Variants in EDARADD observed in about 807,000 individuals in gnomAD.
EDARADD encodes EDAR associated via death domain.
EDARADD carries 20 observed loss-of-function variants against 25.6 expected under a neutral mutation model. The ratio of observed to expected loss-of-function variants is 0.78; its 90% CI spans 0.55 to 1.14. EDARADD has a LOEUF of 1.14. Among genes scored for constraint, EDARADD ranks in the 50% most tolerant of loss-of-function variants. The pLI is 0.00. For synonymous variants in EDARADD, 86 were observed against 94.4 expected (o/e 0.91, Z 0.52); for missense variants, 225 against 270.1 (o/e 0.83, Z 1.17).
At chr1:236,414,189 C>A in intron 2 of EDARADD, 71 bp from the exon 3 acceptor site, 1 of 1,368,208 alleles carries the variant, frequency 7.3e-7, no homozygotes, top group Non-Finnish European at 1.0e-6. Context: ...TTTCCCAAGA[C>A]AAAGCTTTCT....
chr1:236,431,026 G>A (rs1658080245), intron 4 of EDARADD, among the ~76,000 whole-genome samples: 1 of 152,182 alleles, frequency 6.6e-6, no homozygotes, highest in African/African-American at 2.4e-5. Flanking sequence ...TGAGGCAGGA[G>A]AATTGCTTGA....
intron 1 of EDARADD, 126 bp from the exon 2 acceptor site, chr1:236,409,090 A>T: frequency 2.7e-5 from 12 of 446,896 alleles, no homozygotes; most frequent in Middle Eastern, 6.0e-4. Context: ...AAAAAAAAGG[A>T]GTAAGGTTTT....
intron 5 of EDARADD, among the ~76,000 whole-genome samples, chr1:236,471,976 A>G (rs957447671): frequency 6.6e-6 from 1 of 152,204 alleles, no homozygotes; most frequent in Admixed American, 6.5e-5. Flanking sequence ...CCCGCCAGCC[A>G]TGAACTTACA....
At position 236,484,142 on chromosome 1, in the gene EDARADD, G is replaced by A. The variant is rs1659763004; in HGVS notation, c.*1493G>A. On this transcript the variant is annotated 3_prime_UTR_variant, in exon 6 of 6. Coordinates refer to ENST00000334232, the MANE Select transcript of EDARADD (RefSeq NM_145861.4). This position sits in a 1 kb window ranked among gnomAD's most constrained non-coding sequence, Gnocchi z 4.1. Reference sequence around the variant, plus strand: ...ATGATCTCAGAGTGACCAACCCAAAGAGGACAGCCTCGGCCGTGAATGAGA... The same window carrying A: ...ATGATCTCAGAGTGACCAACCCAAAAAGGACAGCCTCGGCCGTGAATGAGA... 11 of 1,417,036 alleles carry A rather than the reference G, an allele frequency of 7.8e-6. No individual in the cohort carries two copies. The South Asian group carries it at 9.2e-5, about 12-fold the overall frequency. The allele number at this position is 1,417,036 out of a possible 1,614,324, so 87.8% of individuals were successfully genotyped here.
intron 3 of EDARADD, among the ~76,000 whole-genome samples, chr1:236,353,483 C>G (rs1490250992): frequency 6.6e-6 from 1 of 151,994 alleles, no homozygotes; most frequent in African/African-American, 2.4e-5. Context: ...AGTTCAAGAC[C>G]AGCCTGGCCA....
intron 5 of EDARADD, among the ~76,000 whole-genome samples, 168 bp downstream of exon 5, chr1:236,468,444 T>C (rs1466848943): frequency 1.3e-5 from 2 of 151,780 alleles, no homozygotes; most frequent in African/African-American, 4.8e-5. Flanking sequence ...GCCAACATGG[T>C]AAAACCCCGT....
intron 3 of EDARADD, among the ~76,000 whole-genome samples, chr1:236,357,416 C>T (rs1344250781): frequency 1.3e-5 from 2 of 152,126 alleles, no homozygotes; most frequent in Admixed American, 6.5e-5. Context: ...ACATGAGAAC[C>T]AGTCAGTTAT....
intron 4 of EDARADD, among the ~76,000 whole-genome samples, chr1:236,444,675 C>A (rs563983659): frequency 6.6e-6 from 1 of 152,156 alleles, no homozygotes; most frequent in South Asian, 2.1e-4. Flanking sequence ...CCGCCCAACT[C>A]GGTCTCCCAA....
intron 3 of EDARADD, among the ~76,000 whole-genome samples, chr1:236,371,640 G>A (rs1019906022): frequency 7.3e-5 from 11 of 151,686 alleles, no homozygotes; most frequent in Middle Eastern, 3.4e-3. Context: ...CACGATCTCG[G>A]CTCACTGCAA....
chr1:236,483,794 A>G lies in EDARADD; in HGVS notation c.*1145A>G. 6.9e-7 allele frequency: 1 copy of G among 1,453,648 alleles called. No individual in the cohort carries two copies. The highest frequency in any genetic ancestry group is 9.7e-7 in the Non-Finnish European group (1 of 1,036,036). 90.0% of individuals were successfully genotyped at this position (1,453,648 alleles called of 1,614,324 possible). A position where few individuals can be genotyped will look rare whatever the true frequency, so the allele number is the denominator to read the frequency against. On this transcript the variant is annotated 3_prime_UTR_variant, in exon 6 of 6. Transcript: ENST00000334232. ...AAGATGCCACCGGTGTGGGGGATGG[A>G]GGCGCGTTTGCTCCCAACATCCTGG...
intron 1 of EDARADD, 122 bp downstream of exon 1, chr1:236,394,627 C>A: frequency 3.8e-6 from 3 of 795,316 alleles, no homozygotes; most frequent in Non-Finnish European, 5.8e-6. Flanking sequence ...TTTTTCGACC[C>A]GACTTTTATC....
intron 2 of EDARADD, among the ~76,000 whole-genome samples, chr1:236,349,247 C>T (rs1315822385): frequency 1.3e-5 from 2 of 148,256 alleles, no homozygotes; most frequent in African/African-American, 5.1e-5. Context: ...TCTTGGCTCA[C>T]TGCAACTCCA....
intron 1 of EDARADD, among the ~76,000 whole-genome samples, chr1:236,405,721 T>C (rs1667695564): frequency 1.3e-5 from 2 of 148,412 alleles, no homozygotes; most frequent in African/African-American, 5.1e-5. Flanking sequence ...TCTCCTTCCT[T>C]TCTTTTTCTT....
intron 4 of EDARADD, among the ~76,000 whole-genome samples, chr1:236,433,142 A>G (rs1658151316): frequency 6.9e-6 from 1 of 144,872 alleles, no homozygotes. Context: ...TAAAAAGCAT[A>G]CTAAATAAAA....
Position 236,394,370 on chromosome 1 carries a change from C to G in EDARADD, c.-75C>G. ...GGTTTGACTCTGGCCAGACAACCAG[C>G]GAGCATCTTCTCGCAATCTGTTGCT... is the stretch of plus-strand genomic sequence containing the variant. On this transcript the variant is annotated 5_prime_UTR_variant, in exon 1 of 6. Coordinates refer to ENST00000334232, the MANE Select transcript of EDARADD (RefSeq NM_145861.4). 6.6e-7 allele frequency: 1 copy of G among 1,511,614 alleles called. No individual in the cohort carries two copies. 93.6% of individuals were successfully genotyped at this position (1,511,614 alleles called of 1,614,324 possible).
intron 4 of EDARADD, among the ~76,000 whole-genome samples, chr1:236,447,303 G>A (rs1381665123): frequency 6.7e-6 from 1 of 148,812 alleles, no homozygotes; most frequent in Non-Finnish European, 1.5e-5. Flanking sequence ...TGTCACCCAG[G>A]CTTCAGTGCA....
chr1:236,482,320 C>T lies in EDARADD; in HGVS notation c.319C>T (p.Leu107Phe). 1 of 1,614,126 alleles carries T rather than the reference C, an allele frequency of 6.2e-7. No homozygotes were observed. Among genetic ancestry groups the T allele is most frequent in the Non-Finnish European group, 8.5e-7 (1 of 1,180,038 alleles). ...AAACTGTACTTGTTCCTCCTGCTTG[C>T]TCCGGGCCCCCACCATAAGTGACTT... ...KENCTCSSCL[L>F]RAPTISDLLN... is the part of the protein sequence containing the mutation. The change falls in exon 6 of 6, where the codon CTC (leucine) becomes TTC (phenylalanine). Residue 107 changes from leucine to phenylalanine, a missense_variant. Leu to Phe is a conservative substitution (Grantham distance 22). Coordinates refer to ENST00000334232, the MANE Select transcript of EDARADD (RefSeq NM_145861.4).
At chr1:236,433,334 G>A (rs1658158127) in intron 4 of EDARADD, among the ~76,000 whole-genome samples, 1 of 151,696 alleles carries the variant, frequency 6.6e-6, no homozygotes, top group African/African-American at 2.4e-5. Context: ...CGAGGCAGGT[G>A]GACCACCTGA....
chr1:236,455,165 G>A (rs1221850595), intron 4 of EDARADD, among the ~76,000 whole-genome samples: 1 of 151,818 alleles, frequency 6.6e-6, no homozygotes, highest in Non-Finnish European at 1.5e-5. Flanking sequence ...AGCCGAGATT[G>A]TGCCACTGTA....
Sources: allele counts gnomAD v4.1 joint callset (sites outside exome capture counted in the v4.1 genomes callset), GRCh38; gene constraint gnomAD v4.1.1; non-coding constraint Gnocchi (gnomAD v3.1); transcripts MANE v1.5; gene names NCBI Gene and HGNC (gene_info 2026-07-23, HGNC 2026-07-21).